Variants in SYNPO2 observed in about 807,000 individuals in gnomAD.
SYNPO2 encodes the protein synaptopodin 2.
Under a neutral mutation model 85.0 loss-of-function variants are expected in SYNPO2, and 56 were observed. The ratio of observed to expected loss-of-function variants is 0.66; its 90% confidence interval spans 0.53 to 0.82. SYNPO2 has a LOEUF of 0.82. Ranked by LOEUF, SYNPO2 falls within the 40% of genes least tolerant of loss-of-function variation. The pLI, the probability that SYNPO2 is intolerant of heterozygous loss-of-function variation, is 0.00. For synonymous variants in SYNPO2, 602 were observed against 591.1 expected, an observed-to-expected ratio of 1.02 and a Z score of -0.27; for missense variants, 1,575 against 1,534.2, an observed-to-expected ratio of 1.03 and a Z score of -0.44.
rs183858056 is a variant in SYNPO2, at chr4:119,001,396, T to G, written c.106-22034T>G. Among the ~76,000 whole-genome samples the G allele has an allele frequency of 1.1e-3, 163 of 152,348 alleles. 3 individuals are homozygous for G. Among genetic ancestry groups the G allele is most frequent in the Admixed American group, 0.011 (161 of 15,304 alleles). The stretch of plus-strand genomic sequence containing the variant: ...TGAAATAAAAACAGCACTTTAATAT[T>G]GTCCTTAAGTAGATACTCATTGTTA... On this transcript the variant is annotated intron_variant, in intron 1 of 4. Transcript: ENST00000307142.
At chr4:119,043,076 TTTTTGTTTTG>T (rs943014552) in intron 4 of SYNPO2, 2 of 153,046 alleles carry the variant, frequency 1.3e-5, no homozygotes, top group Admixed American at 6.5e-5. Context: ...TTTTCTTTTG[TTTTTGTTTTG>T]TTTTGTTTTG....
intron 1 of SYNPO2, among the ~76,000 whole-genome samples, chr4:118,918,046 G>T (rs963614377): frequency 6.6e-6 from 1 of 152,136 alleles, no homozygotes; most frequent in Non-Finnish European, 1.5e-5. Context: ...AGAGAAAGTA[G>T]GTGAAGAGTG....
intron 4 of SYNPO2, chr4:119,038,642 C>G: frequency 1.2e-6 from 1 of 837,912 alleles, no homozygotes; most frequent in Non-Finnish European, 1.4e-6. Context: ...TAAGGCATTT[C>G]AACAAGAATA....
At chr4:118,999,845 G>T (rs1302168530) in intron 1 of SYNPO2, among the ~76,000 whole-genome samples, 1 of 152,020 alleles carries the variant, frequency 6.6e-6, no homozygotes, top group Non-Finnish European at 1.5e-5. Context: ...CCATCTTCAG[G>T]GTTTTGCACT....
chr4:118,939,428 C>A (rs1032294629), intron 1 of SYNPO2, among the ~76,000 whole-genome samples: 5 of 152,182 alleles, frequency 3.3e-5, no homozygotes, highest in African/African-American at 9.6e-5. Context: ...TTCCTAAATT[C>A]TTGCTTACTC....
At chr4:119,029,346 ATTAAAACATTTAGAAAATT>A (rs1320690864) in intron 3 of SYNPO2, among the ~76,000 whole-genome samples, 1 of 152,184 alleles carries the variant, frequency 6.6e-6, no homozygotes, top group Non-Finnish European at 1.5e-5. Context: ...AATTCATTAC[ATTAAAACATTTAGAAAATT>A]TTAAAACATC....
intron 4 of SYNPO2, chr4:119,032,880 TGA>T: frequency 1.0e-6 from 1 of 957,044 alleles, no homozygotes; most frequent in African/African-American, 1.8e-5. Flanking sequence ...ATAGTAATAA[TGA>T]AGTAAATGGG....
At chr4:118,901,864 A>G (rs750157558) in intron 1 of SYNPO2, among the ~76,000 whole-genome samples, 1 of 152,182 alleles carries the variant, frequency 6.6e-6, no homozygotes, top group Non-Finnish European at 1.5e-5. Flanking sequence ...TCCACATAGT[A>G]AAGTAGATTC....
At chr4:118,922,097 G>T (rs1733559281) in intron 1 of SYNPO2, among the ~76,000 whole-genome samples, 1 of 152,064 alleles carries the variant, frequency 6.6e-6, no homozygotes, top group African/African-American at 2.4e-5. Context: ...CTTATAAATG[G>T]TTAAATAAAT....
intron 1 of SYNPO2, among the ~76,000 whole-genome samples, chr4:118,914,587 G>A (rs1297329255): frequency 6.6e-6 from 1 of 152,090 alleles, no homozygotes; most frequent in Non-Finnish European, 1.5e-5. Flanking sequence ...TTTGATATCT[G>A]GGAGGGTTTT....
chr4:119,026,268 T>C (rs1560994198), intron 2 of SYNPO2, among the ~76,000 whole-genome samples: 1 of 152,220 alleles, frequency 6.6e-6, no homozygotes, highest in Non-Finnish European at 1.5e-5. Context: ...CAATAAGACA[T>C]TGAAATGCTT....
chr4:118,864,117 C>T (rs1331586237), intron 1 of SYNPO2, among the ~76,000 whole-genome samples: 1 of 138,356 alleles, frequency 7.2e-6, no homozygotes, highest in Non-Finnish European at 1.7e-5. Flanking sequence ...CTTAGTACTG[C>T]TTTTGCTGTA....
Position 119,038,524 on chromosome 4 carries a change from G to A in SYNPO2, c.3252+6497G>A, listed in dbSNP as rs373848056. The A allele has an allele frequency of 6.1e-6, 6 of 985,412 alleles. No homozygotes were observed. In the African/African-American group the frequency reaches 8.7e-5, roughly 14 times the overall value. 61.0% of individuals were successfully genotyped at this position (985,412 alleles called of 1,614,324 possible). ...ATAATCAAACTCTGCATAAAAGGAA[G>A]TGCTCCCTTTGGCTTTCTGCCATTT... On this transcript the variant is annotated intron_variant, in intron 4 of 4. Transcript: ENST00000307142.
At chr4:118,982,406 C>T (rs1323784282) in intron 1 of SYNPO2, among the ~76,000 whole-genome samples, 3 of 152,160 alleles carry the variant, frequency 2.0e-5, no homozygotes, top group Non-Finnish European at 4.4e-5. Flanking sequence ...ATGGACATGT[C>T]CCCATTATAA....
At position 119,038,736 on chromosome 4, in the gene SYNPO2, T is replaced by C. The variant is rs192374986; in HGVS notation, c.3252+6709T>C. 2.6e-5 allele frequency among the ~76,000 whole-genome samples: 4 copies of C among 152,310 alleles called. No homozygotes were observed. The East Asian group carries it at 7.7e-4, about 29-fold the overall frequency. On this transcript the variant is annotated intron_variant, in intron 4 of 4. Coordinates refer to ENST00000307142, the MANE Select transcript of SYNPO2 (RefSeq NM_133477.3). ...TGAAAAAGAGTTACCCCTGGAATCTTAGAGTGTCACGGTGCCAATCCCAGT... is the reference window on the plus strand; with the variant it reads ...TGAAAAAGAGTTACCCCTGGAATCTCAGAGTGTCACGGTGCCAATCCCAGT...
intron 4 of SYNPO2, among the ~76,000 whole-genome samples, chr4:119,050,284 A>T (rs866808567): frequency 5.9e-5 from 9 of 152,100 alleles, no homozygotes; most frequent in Middle Eastern, 3.4e-3. Flanking sequence ...GTGAGCCAGG[A>T]TCGCCCCACT....
chr4:118,984,476 C>T (rs1736144775), intron 1 of SYNPO2, among the ~76,000 whole-genome samples: 1 of 152,172 alleles, frequency 6.6e-6, no homozygotes, highest in Admixed American at 6.5e-5. Context: ...TAAAATGACC[C>T]TTCTACTTTT....
chr4:119,032,932 C>G, intron 4 of SYNPO2: 4 of 504,978 alleles, frequency 7.9e-6, no homozygotes, highest in Non-Finnish European at 1.0e-5. Flanking sequence ...GGTTGATTCC[C>G]ACCCTCCCTC....
chr4:118,878,331 C>T (rs1226514835), intron 1 of SYNPO2, among the ~76,000 whole-genome samples: 1 of 152,068 alleles, frequency 6.6e-6, no homozygotes, highest in Non-Finnish European at 1.5e-5. Context: ...AACAAACTTG[C>T]ACATGTACCC....
Sources: allele counts gnomAD v4.1 joint callset (sites outside exome capture counted in the v4.1 genomes callset), GRCh38; gene constraint gnomAD v4.1.1; transcripts MANE v1.5; gene names NCBI Gene and HGNC (gene_info 2026-07-23, HGNC 2026-07-21).